TYW3: variants seen among roughly 807,000 people sequenced by gnomAD.
The protein encoded by TYW3 is tRNA-yW synthesizing protein 3 homolog.
A neutral mutation model predicts 23.1 loss-of-function variants in TYW3; 26 were observed. The observed-to-expected ratio is 1.13, with a 90% CI of 0.83 to 1.56. TYW3 has a LOEUF of 1.56. Among genes scored for constraint, TYW3 ranks in the 40% most tolerant of loss-of-function variants. The probability of loss-of-function intolerance (pLI) is 0.00; values close to 1 mark genes in which losing one functional copy is unlikely to be tolerated. For synonymous variants in TYW3, 102 were observed against 105.7 expected (o/e 0.97, Z 0.21); for missense variants, 316 against 311.9 (o/e 1.01, Z -0.10).
Position 74,763,889 on chromosome 1 carries a change from C to A in TYW3, c.561-5C>A. ...GATATAATAGTAGTACTTATTTCTT[C>A]ACAGGTTTTACAACTGCCTACAGCA... On this transcript the variant is annotated splice_polypyrimidine_tract_variant and splice_region_variant and intron_variant, in intron 5 of 5. Coordinates refer to ENST00000370867, the MANE Select transcript of TYW3 (RefSeq NM_138467.3). 1 of 1,585,278 alleles carries A rather than the reference C, an allele frequency of 6.3e-7. No individual in the cohort carries two copies. Among genetic ancestry groups the A allele is most frequent in the Non-Finnish European group, 8.5e-7 (1 of 1,172,354 alleles).
At chr1:74,748,904 A>G in intron 4 of TYW3, 82 bp downstream of exon 4, 2 of 1,227,578 alleles carry the variant, frequency 1.6e-6, no homozygotes, top group Non-Finnish European at 2.4e-6. Flanking sequence ...CCTGCCTTTA[A>G]TGTCTCCTTT....
intron 3 of TYW3, among the ~76,000 whole-genome samples, chr1:74,740,935 G>A (rs1648334467): frequency 6.6e-6 from 1 of 152,178 alleles, no homozygotes; most frequent in Non-Finnish European, 1.5e-5. Context: ...CTCTAAACAG[G>A]ACACCTCAAC....
At chr1:74,751,236 G>A (rs1255748087) in intron 4 of TYW3, 1 of 152,130 alleles carries the variant, frequency 6.6e-6, no homozygotes, top group Non-Finnish European at 1.5e-5. Flanking sequence ...TCTTGCCAGT[G>A]TGTGTGTATG....
intron 3 of TYW3, among the ~76,000 whole-genome samples, chr1:74,740,964 G>A (rs994029339): frequency 7.3e-5 from 11 of 151,564 alleles, no homozygotes; most frequent in African/African-American, 2.7e-4. Flanking sequence ...GGAATTTGGC[G>A]ATGACGGCTC....
intron 2 of TYW3, among the ~76,000 whole-genome samples, chr1:74,737,620 A>C (rs1648195299): frequency 6.6e-6 from 1 of 152,216 alleles, no homozygotes; most frequent in Non-Finnish European, 1.5e-5. Context: ...TGCTGGGCAG[A>C]CAGAAATAAT....
At position 74,765,681 on chromosome 1, in the gene TYW3, G is replaced by A. The variant is rs1649283887; in HGVS notation, c.*1568G>A. On this transcript the variant is annotated 3_prime_UTR_variant, in exon 6 of 6. Coordinates refer to ENST00000370867, the MANE Select transcript of TYW3 (RefSeq NM_138467.3). ...TAACAGTAGGAAAGAGAGAGTGCAG[G>A]TGGAACGAGCCTATCCTGTGGTGAA... 1 of 152,030 alleles carries A rather than the reference G, an allele frequency of 6.6e-6. No individual in the cohort carries two copies. The highest frequency in any genetic ancestry group is 6.6e-5 in the Admixed American group (1 of 15,234). The allele number at this position is 152,030 out of a possible 1,614,324, so 9.4% of individuals were successfully genotyped here.
intron 1 of TYW3, among the ~76,000 whole-genome samples, chr1:74,735,582 C>G (rs949917509): frequency 6.6e-6 from 1 of 152,142 alleles, no homozygotes; most frequent in Non-Finnish European, 1.5e-5. Flanking sequence ...GTGGGAAAAT[C>G]TGGATAAAGA....
At chr1:74,756,354 A>G (rs897644081) in intron 5 of TYW3, among the ~76,000 whole-genome samples, 9 of 152,180 alleles carry the variant, frequency 5.9e-5, no homozygotes, top group Admixed American at 2.6e-4. Flanking sequence ...AATGGCTTTG[A>G]CCAAAATGCT....
intron 1 of TYW3, among the ~76,000 whole-genome samples, chr1:74,735,846 CT>C (rs1263381559): frequency 6.6e-6 from 1 of 152,202 alleles, no homozygotes; most frequent in Non-Finnish European, 1.5e-5. Context: ...ATTATAGTTA[CT>C]TTGAGTATAG....
At chr1:74,744,737 T>G (rs1482624040) in intron 3 of TYW3, among the ~76,000 whole-genome samples, 1 of 152,180 alleles carries the variant, frequency 6.6e-6, no homozygotes, top group East Asian at 1.9e-4. Context: ...ACACTCATGG[T>G]GAGTGTTACA....
intron 3 of TYW3, among the ~76,000 whole-genome samples, chr1:74,740,624 A>G (rs756161910): frequency 4.6e-5 from 7 of 152,168 alleles, no homozygotes; most frequent in Non-Finnish European, 8.8e-5. Flanking sequence ...GCGTTTTTAC[A>G]GAGTGCTGAT....
chr1:74,760,547 G>C (rs1011398669), intron 5 of TYW3, among the ~76,000 whole-genome samples: 1 of 152,054 alleles, frequency 6.6e-6, no homozygotes, highest in Non-Finnish European at 1.5e-5. Flanking sequence ...TTATAACGGA[G>C]AGCATTTTGT....
Position 74,744,557 on chromosome 1 carries a change from C to T in TYW3, c.355-4194C>T, listed in dbSNP as rs1326870697. On this transcript the variant is annotated intron_variant, in intron 3 of 5. Transcript: ENST00000370867. ...AATAGGACAGAATAGCAAGCGAAAG[C>T]GGTCCAATGGTACTCACCACTTGGC... 5.9e-5 allele frequency among the ~76,000 whole-genome samples: 9 copies of T among 152,278 alleles called. No individual in the cohort carries two copies. The South Asian group carries it at 6.2e-4, about 11-fold the overall frequency.
At chr1:74,753,462 A>G (rs11485299) in intron 5 of TYW3, among the ~76,000 whole-genome samples, 30,549 of 152,180 alleles carry the variant, frequency 0.2, 4,302 homozygotes, top group East Asian at 0.71. Flanking sequence ...AAGGCCAACA[A>G]GTGCTAGTGG....
chr1:74,753,867 A>C (rs115129229), intron 5 of TYW3, among the ~76,000 whole-genome samples: 1,650 of 152,320 alleles, frequency 0.011, 33 homozygotes, highest in African/African-American at 0.038. Flanking sequence ...ATTTTATGTA[A>C]CATGTACTAT....
intron 1 of TYW3, 52 bp downstream of exon 1, chr1:74,733,470 G>C: frequency 6.3e-7 from 1 of 1,599,262 alleles, no homozygotes; most frequent in Non-Finnish European, 8.5e-7. Flanking sequence ...CGAAACTTCA[G>C]GAGCCCTGTT....
chr1:74,744,492 T>C (rs1022535871), intron 3 of TYW3, among the ~76,000 whole-genome samples: 1 of 152,168 alleles, frequency 6.6e-6, no homozygotes, highest in Admixed American at 6.5e-5. Flanking sequence ...AGTGTTTGGC[T>C]GACAGGTGTC....
rs565981702 is a variant in TYW3, at chr1:74,745,343, A to G, written c.355-3408A>G. ...TTTATTCCCTTATTTGGCCCCACCC[A>G]CATCCTGCTGATTGGTCCATTTTAC... On this transcript the variant is annotated intron_variant, in intron 3 of 5. Transcript: ENST00000370867. Among the ~76,000 whole-genome samples the G allele has an allele frequency of 3.3e-5, 5 of 152,298 alleles. No individual in the cohort carries two copies. In the East Asian group the frequency reaches 9.7e-4, roughly 29 times the overall value.
At position 74,765,638 on chromosome 1, in the gene TYW3, A is replaced by T. The variant is rs1649280626; in HGVS notation, c.*1525A>T. 6.7e-6 allele frequency: 1 copy of T among 149,648 alleles called. No individual in the cohort carries two copies. Among genetic ancestry groups the T allele is most frequent in the Non-Finnish European group, 1.5e-5 (1 of 67,176 alleles). 9.3% of individuals were successfully genotyped at this position (149,648 alleles called of 1,614,324 possible). On this transcript the variant is annotated 3_prime_UTR_variant, in exon 6 of 6. Coordinates refer to ENST00000370867, the MANE Select transcript of TYW3 (RefSeq NM_138467.3). ...AAATGAAAAGAGAAGATAAATGAAT[A>T]AAAAAAAAAGTTATAAATAACAGTA... is the stretch of plus-strand genomic sequence containing the variant.
Sources: gnomAD v4.1 joint callset for allele counts (sites outside exome capture counted in the v4.1 genomes callset) on GRCh38, gnomAD v4.1.1 for gene constraint, MANE v1.5 for transcripts, NCBI Gene and HGNC (gene_info 2026-07-23, HGNC 2026-07-21) for gene names.